NRXN2: variants seen among roughly 807,000 people sequenced by gnomAD.
NRXN2 encodes neurexin 2, also known as neurexin-2-beta.
A neutral mutation model predicts 128.8 loss-of-function variants in NRXN2; 29 were observed. The ratio of observed to expected loss-of-function variants is 0.23; its 90% CI spans 0.17 to 0.31. The LOEUF is 0.31. NRXN2 is among the 10% of genes least tolerant of loss of function. NRXN2 has a pLI of 1.00. For missense variants in NRXN2, 1,881 were observed against 2,452.6 expected, an observed-to-expected ratio of 0.77 and a Z score of 4.92; for synonymous variants, 1,098 against 1,075.2, an observed-to-expected ratio of 1.02 and a Z score of -0.41.
intron 1 of NRXN2, among the ~76,000 whole-genome samples, chr11:64,718,310 C>T (rs1189890937): frequency 6.6e-6 from 1 of 152,194 alleles, no homozygotes; most frequent in East Asian, 1.9e-4. Flanking sequence ...CACGCCCATA[C>T]ACACACCTCC....
chr11:64,622,691 C>T lies in NRXN2; in HGVS notation c.4173+62G>A. 6.4e-7 allele frequency: 1 copy of T among 1,561,562 alleles called. No individual in the cohort carries two copies. The highest frequency in any genetic ancestry group is 8.7e-7 in the Non-Finnish European group (1 of 1,154,416). Reference sequence around the variant, plus strand: ...TCTAGGCACCACTACTGTGGCTATGCAGATATCAACCCCATCCCCACCTAT... The same window carrying T: ...TCTAGGCACCACTACTGTGGCTATGTAGATATCAACCCCATCCCCACCTAT... On this transcript the variant is annotated intron_variant, in intron 21 of 22. Transcript: ENST00000265459. The surrounding 1 kb of genome is among the most constrained non-coding windows in gnomAD (Gnocchi z 4.3).
chr11:64,627,671 C>T (rs934100044), intron 19 of NRXN2, among the ~76,000 whole-genome samples: 5 of 152,112 alleles, frequency 3.3e-5, no homozygotes, highest in Non-Finnish European at 5.9e-5. Context: ...TGTGCACAGA[C>T]GCCTATGTGG....
At chr11:64,699,425 CTTTTTTTTTTT>C (rs67776872) in intron 2 of NRXN2, among the ~76,000 whole-genome samples, 4 of 92,122 alleles carry the variant, frequency 4.3e-5, no homozygotes, top group Non-Finnish European at 5.8e-5. Context: ...TAATAGTTTT[CTTTTTTTTTTT>C]TTTTTTTTTT....
At chr11:64,679,606 C>A (rs1478388547) in intron 6 of NRXN2, among the ~76,000 whole-genome samples, 1 of 151,770 alleles carries the variant, frequency 6.6e-6, no homozygotes, top group Admixed American at 6.6e-5. Context: ...CACTGCACTC[C>A]AGCCTGGGTG....
At position 64,651,361 on chromosome 11, in the gene NRXN2, C is replaced by A. The variant is rs1431650662; in HGVS notation, c.2812G>T (p.Ala938Ser). 6.2e-7 allele frequency: 1 copy of A among 1,614,212 alleles called. No individual in the cohort carries two copies. The highest frequency in any genetic ancestry group is 1.1e-5 in the South Asian group (1 of 91,086). ...AACTGGAAGAAGAGGTGCATGGAAG[C>A]ATAGGCTTGGAGCGTGGCGAGTGCC... Reference protein sequence around the residue: ...YLALATLQAYASMHLFFQFKT... With the variant: ...YLALATLQAYSSMHLFFQFKT... The change falls in exon 14 of 23, where the codon GCT (alanine) becomes TCT (serine). Residue 938 changes from alanine to serine, a missense_variant. Ala to Ser is a moderately conservative substitution (Grantham distance 99, BLOSUM62 1). Transcript: ENST00000265459. This position sits in a 1 kb window ranked among gnomAD's most constrained non-coding sequence, Gnocchi z 5.9.
chr11:64,634,855 G>T (rs1003721391), intron 18 of NRXN2, among the ~76,000 whole-genome samples: 2 of 152,206 alleles, frequency 1.3e-5, no homozygotes, highest in African/African-American at 4.8e-5. Context: ...GGCAGGAATA[G>T]GTGCAGGACA....
At chr11:64,613,119 A>C (rs2040928707) in intron 22 of NRXN2, among the ~76,000 whole-genome samples, 2 of 152,236 alleles carry the variant, frequency 1.3e-5, no homozygotes, top group South Asian at 4.1e-4. Flanking sequence ...TCAAGGTAAG[A>C]AAAAAACGGT....
In NRXN2 at chr11:64,622,452, T is replaced by C. The variant is rs2042500337; in HGVS notation, c.4173+301A>G. On this transcript the variant is annotated intron_variant, in intron 21 of 22. Transcript: ENST00000265459. The surrounding 1 kb of genome is among the most constrained non-coding windows in gnomAD (Gnocchi z 4.3). ...CCCCAAGTCCAGACTTCATCTCTCTTAGGTAGGGTGGTCTTCTCTCATATA... is the reference window on the plus strand; with the variant it reads ...CCCCAAGTCCAGACTTCATCTCTCTCAGGTAGGGTGGTCTTCTCTCATATA... Among the ~76,000 whole-genome samples the C allele has an allele frequency of 6.6e-6, 1 of 152,162 alleles. No homozygotes were observed. The highest frequency in any genetic ancestry group is 2.4e-5 in the African/African-American group (1 of 41,442).
chr11:64,619,432 C>A (rs985316054), intron 22 of NRXN2, among the ~76,000 whole-genome samples: 1 of 152,038 alleles, frequency 6.6e-6, no homozygotes, highest in African/African-American at 2.4e-5. Context: ...ACTCACTGCA[C>A]CACTCCACAT....
At position 64,691,318 on chromosome 11, in the gene NRXN2, C is replaced by T. The variant is rs571077757; in HGVS notation, c.779-842G>A. On this transcript the variant is annotated intron_variant, in intron 4 of 22. Transcript: ENST00000265459. Reference sequence around the variant, plus strand: ...CCCCACTCATCAGCAGCACTTAGGCCTCAGTCCAAATGCCCCGGTGGGCAC... The same window carrying T: ...CCCCACTCATCAGCAGCACTTAGGCTTCAGTCCAAATGCCCCGGTGGGCAC... Among the ~76,000 whole-genome samples the T allele has an allele frequency of 1.6e-4, 24 of 152,324 alleles. 1 individual carries two copies. In the South Asian group the frequency reaches 4.8e-3, roughly 30 times the overall value.
Position 64,635,301 on chromosome 11 carries a change from G to T in NRXN2, c.3555C>A (p.Ser1185=). ...GCAGCTGCAGGTAGTCTCCAAGGCC[G>T]GAGGCGCTGTCCACCCGCACCAGCA... The part of the protein sequence containing the change: ...SAVLVRVDSA[S]GLGDYLQLHI... The change falls in exon 18 of 23, where the codon TCC becomes TCA. Residue 1185 remains serine, a synonymous_variant. Coordinates refer to ENST00000265459, the MANE Select transcript of NRXN2 (RefSeq NM_015080.4). This position sits in a 1 kb window ranked among gnomAD's most constrained non-coding sequence, Gnocchi z 4.8. 1 of 1,613,296 alleles carries T rather than the reference G, an allele frequency of 6.2e-7. No individual in the cohort carries two copies. Among genetic ancestry groups the T allele is most frequent in the South Asian group, 1.1e-5 (1 of 91,080 alleles).
chr11:64,676,719 T>C (rs2051370148), intron 7 of NRXN2: 4 of 547,480 alleles, frequency 7.3e-6, no homozygotes, highest in South Asian at 7.0e-5. Context: ...GCCAGGAATC[T>C]GAATTCAGGA....
Position 64,630,390 on chromosome 11 carries a change from C to G in NRXN2, c.3757+12G>C. 6.2e-7 allele frequency: 1 copy of G among 1,606,508 alleles called. No homozygotes were observed. Among genetic ancestry groups the G allele is most frequent in the South Asian group, 1.1e-5 (1 of 90,920 alleles). Reference sequence around the variant, plus strand: ...CGCCACCGCGCCTCCTCCGCGGGCCCGCGCCGCCTACCTGCCGGGTACCGC... The same window carrying G: ...CGCCACCGCGCCTCCTCCGCGGGCCGGCGCCGCCTACCTGCCGGGTACCGC... On this transcript the variant is annotated intron_variant, in intron 19 of 22. Transcript: ENST00000265459. This position sits in a 1 kb window ranked among gnomAD's most constrained non-coding sequence, Gnocchi z 4.6.
chr11:64,652,003 T>C (rs781171803), intron 13 of NRXN2, 32 bp downstream of exon 13: 4 of 1,607,310 alleles, frequency 2.5e-6, no homozygotes, highest in Non-Finnish European at 3.4e-6. Context: ...TCACTGGAGA[T>C]GTGTCCACCT....
At chr11:64,642,757 G>A (rs1056453515) in intron 17 of NRXN2, 7 of 1,227,444 alleles carry the variant, frequency 5.7e-6, no homozygotes, top group African/African-American at 3.2e-5. Flanking sequence ...AGCCAGGGCC[G>A]GGGGGCGGCG....
At chr11:64,684,671 A>G (rs1348727515) in intron 6 of NRXN2, among the ~76,000 whole-genome samples, 4 of 152,062 alleles carry the variant, frequency 2.6e-5, no homozygotes, top group African/African-American at 7.2e-5. Flanking sequence ...AGGGGAGGAG[A>G]AGGAGGATGA....
intron 17 of NRXN2, among the ~76,000 whole-genome samples, chr11:64,636,903 G>C (rs1018629662): frequency 2.6e-5 from 4 of 152,138 alleles, no homozygotes; most frequent in East Asian, 1.9e-4. Context: ...GGGGTGAGGA[G>C]GCTCCATCCC....
chr11:64,653,244 C>A (rs1216361312), intron 12 of NRXN2, among the ~76,000 whole-genome samples: 1 of 152,152 alleles, frequency 6.6e-6, no homozygotes, highest in Non-Finnish European at 1.5e-5. Flanking sequence ...TTCCCACCCT[C>A]ATCCTCTTTC....
chr11:64,701,023 A>T (rs537394633), intron 2 of NRXN2, among the ~76,000 whole-genome samples: 1 of 152,248 alleles, frequency 6.6e-6, no homozygotes, highest in South Asian at 2.1e-4. Flanking sequence ...AGAAATCCTT[A>T]TCATCCCTCC....
Sources: allele counts gnomAD v4.1 joint callset (sites outside exome capture counted in the v4.1 genomes callset), GRCh38; gene constraint gnomAD v4.1.1; non-coding constraint Gnocchi (gnomAD v3.1); transcripts MANE v1.5; gene names NCBI Gene and HGNC (gene_info 2026-07-23, HGNC 2026-07-21).